The following NEDD4L variants were observed in gnomAD, a reference collection of about 807,000 sequenced individuals.
NEDD4L encodes the protein NEDD4 like E3 ubiquitin protein ligase.
A neutral mutation model predicts 148.9 loss-of-function variants in NEDD4L; 54 were observed. The observed-to-expected ratio is 0.36, with a 90% CI of 0.29 to 0.45. NEDD4L has a LOEUF of 0.45. Ranked by LOEUF, NEDD4L falls within the 20% of genes least tolerant of loss-of-function variation. The pLI is 1.00. For missense variants in NEDD4L, 856 were observed against 1,233.8 expected (o/e 0.69, Z 4.59); for synonymous variants, 433 against 440.7 (o/e 0.98, Z 0.22).
chr18:58,301,439 C>T (rs1264585463), intron 5 of NEDD4L, among the ~76,000 whole-genome samples: 1 of 152,188 alleles, frequency 6.6e-6, no homozygotes, highest in Non-Finnish European at 1.5e-5. Flanking sequence ...TGCAATGTGT[C>T]ACTCTCTCTG....
chr18:58,103,047 G>A (rs1403099243), intron 1 of NEDD4L, among the ~76,000 whole-genome samples: 5 of 151,760 alleles, frequency 3.3e-5, no homozygotes, highest in Non-Finnish European at 5.9e-5. Flanking sequence ...ACAGTGGCTC[G>A]GTGTTATGGA....
intron 5 of NEDD4L, among the ~76,000 whole-genome samples, chr18:58,298,431 T>C (rs2055993737): frequency 6.6e-6 from 1 of 152,222 alleles, no homozygotes; most frequent in African/African-American, 2.4e-5. Flanking sequence ...CAATTAGGGC[T>C]TGATTCACCG....
intron 15 of NEDD4L, 100 bp downstream of exon 15, chr18:58,341,897 C>A: frequency 1.5e-6 from 2 of 1,352,560 alleles, no homozygotes; most frequent in Non-Finnish European, 2.0e-6. Context: ...CACCTCCTCT[C>A]TCTGATCAGT....
intron 9 of NEDD4L, 67 bp downstream of exon 9, chr18:58,325,229 C>A: frequency 1.9e-6 from 3 of 1,564,430 alleles, no homozygotes; most frequent in Non-Finnish European, 2.6e-6. Flanking sequence ...AATATGGCGG[C>A]CCTTTGGGAC....
chr18:58,164,009 G>A (rs1225350330), intron 1 of NEDD4L, among the ~76,000 whole-genome samples: 5 of 150,582 alleles, frequency 3.3e-5, no homozygotes, highest in Non-Finnish European at 5.9e-5. Context: ...GTCAGCCATT[G>A]TGTTCTTGGG....
At position 58,364,318 on chromosome 18, in the gene NEDD4L, G is replaced by A. The variant is rs367597015; in HGVS notation, c.1818G>A (p.Lys606=). 8 of 1,557,716 alleles carry A rather than the reference G, an allele frequency of 5.1e-6. 2 individuals are homozygous for A. The South Asian group carries it at 6.0e-5, about 12-fold the overall frequency. Reference sequence around the variant, plus strand: ...AGCAGAAATATGACTACTTCAGGAAGAAATTAAAGAAACCTGTGAGTAATC... The same window carrying A: ...AGCAGAAATATGACTACTTCAGGAAAAAATTAAAGAAACCTGTGAGTAATC... The part of the protein sequence containing the change: ...EFKQKYDYFR[K]KLKKPADIPN... Residue 606 remains lysine (K), a synonymous_variant, in exon 20 of 31, where the codon AAG becomes AAA. Coordinates refer to ENST00000400345, the MANE Select transcript of NEDD4L (RefSeq NM_001144967.3).
intron 2 of NEDD4L, among the ~76,000 whole-genome samples, chr18:58,201,836 C>T (rs1294818568): frequency 1.3e-5 from 2 of 152,198 alleles, no homozygotes; most frequent in East Asian, 1.9e-4. Flanking sequence ...TTTCACTTAG[C>T]GTTGTATACT....
At chr18:58,369,639 T>TG (rs1167108305) in intron 22 of NEDD4L, among the ~76,000 whole-genome samples, 2 of 152,006 alleles carry the variant, frequency 1.3e-5, no homozygotes, top group Non-Finnish European at 2.9e-5. Flanking sequence ...GGGTGCCTGG[T>TG]GGGGGGATGA....
chr18:58,068,230 C>T (rs148086200), intron 1 of NEDD4L, among the ~76,000 whole-genome samples: 4,068 of 141,012 alleles, frequency 0.029, 92 homozygotes, highest in Middle Eastern at 0.049. Context: ...GACGGAGTCT[C>T]GCTCTGTTGC....
At chr18:58,350,898 G>A in intron 17 of NEDD4L, 93 bp from the exon 18 acceptor site, 1 of 911,384 alleles carries the variant, frequency 1.1e-6, no homozygotes, top group East Asian at 2.6e-5. Context: ...AAAGAGTACA[G>A]AGGTGTTCTA....
intron 5 of NEDD4L, among the ~76,000 whole-genome samples, chr18:58,278,976 A>T (rs1289481289): frequency 6.6e-6 from 1 of 151,842 alleles, no homozygotes; most frequent in Admixed American, 6.5e-5. Flanking sequence ...GGTTCAAGTG[A>T]TTCTCCTGCC....
chr18:58,123,528 C>T (rs111617918), intron 1 of NEDD4L, among the ~76,000 whole-genome samples: 2,609 of 152,244 alleles, frequency 0.017, 30 homozygotes, highest in African/African-American at 0.026. Context: ...GAGACCCCCG[C>T]CCCGGTTGGA....
At chr18:58,080,376 G>T (rs1008251776) in intron 1 of NEDD4L, among the ~76,000 whole-genome samples, 6 of 152,232 alleles carry the variant, frequency 3.9e-5, no homozygotes, top group Admixed American at 6.5e-5. Context: ...GAGGTTTTTG[G>T]TTCTCACATG....
At chr18:58,347,705 T>G (rs901875540) in intron 16 of NEDD4L, among the ~76,000 whole-genome samples, 1 of 152,232 alleles carries the variant, frequency 6.6e-6, no homozygotes, top group Admixed American at 6.5e-5. Flanking sequence ...ACAGGATTTC[T>G]TTCTTCATTT....
intron 1 of NEDD4L, among the ~76,000 whole-genome samples, chr18:58,064,753 T>C (rs2082514584): frequency 6.6e-6 from 1 of 152,182 alleles, no homozygotes; most frequent in Non-Finnish European, 1.5e-5. Flanking sequence ...TGCCCGTTAG[T>C]GTATTAAGAT....
At chr18:58,047,302 A>G (rs576852834) in intron 1 of NEDD4L, 1 of 984,676 alleles carries the variant, frequency 1.0e-6, no homozygotes, top group East Asian at 1.1e-4. Context: ...ACATTTCTTA[A>G]AAGTAGATTC....
chr18:58,136,854 A>G (rs919140055), intron 1 of NEDD4L, among the ~76,000 whole-genome samples: 4 of 152,186 alleles, frequency 2.6e-5, no homozygotes, highest in African/African-American at 9.7e-5. Context: ...TGGCCCAACC[A>G]GTGTTGTATA....
At chr18:58,335,855 G>T in intron 13 of NEDD4L, 1 of 250,232 alleles carries the variant, frequency 4.0e-6, no homozygotes, top group East Asian at 1.0e-4. Context: ...CATTTCATTA[G>T]AATGCTTGGT....
chr18:58,096,976 A>G (rs946761270), intron 1 of NEDD4L, among the ~76,000 whole-genome samples: 3 of 152,034 alleles, frequency 2.0e-5, no homozygotes, highest in Non-Finnish European at 4.4e-5. Flanking sequence ...TTCTCTTTCT[A>G]TTTTGCATTA....
Sources: gnomAD v4.1 joint callset for allele counts (sites outside exome capture counted in the v4.1 genomes callset) on GRCh38, gnomAD v4.1.1 for gene constraint, MANE v1.5 for transcripts, NCBI Gene and HGNC (gene_info 2026-07-23, HGNC 2026-07-21) for gene names.